PDE1A: variants seen among roughly 807,000 people sequenced by gnomAD.
PDE1A encodes phosphodiesterase 1A, also known as dual specificity calcium/calmodulin-dependent 3',5'-cyclic nucleotide phosphodiesterase 1A.
In PDE1A, 35 loss-of-function variants were observed where a neutral mutation model predicts 61.7. That is an observed-to-expected ratio of 0.57 (90% CI 0.43 to 0.75). The LOEUF is 0.75. Among genes scored for constraint, PDE1A ranks in the 30% least tolerant of loss-of-function variants. The pLI is 0.00. For missense variants in PDE1A, 597 were observed against 630.6 expected (o/e 0.95, Z 0.57); for synonymous variants, 232 against 213.2 (o/e 1.09, Z -0.77).
chr2:182,233,027 G>A (rs1487587330), intron 4 of PDE1A, among the ~76,000 whole-genome samples: 1 of 152,000 alleles, frequency 6.6e-6, no homozygotes, highest in African/African-American at 2.4e-5. Flanking sequence ...CTCTCAACCT[G>A]TTAGTTTATA....
chr2:182,577,388 T>C, the PDE1A span, among the ~76,000 whole-genome samples: 6 of 152,226 alleles, frequency 3.9e-5, no homozygotes, highest in Non-Finnish European at 7.3e-5. Flanking sequence ...TCTACAAATA[T>C]AGAGTCTGAT....
chr2:182,524,806 A>T (rs1690750642), upstream of PDE1A, among the ~76,000 whole-genome samples: 1 of 151,922 alleles, frequency 6.6e-6, no homozygotes. Flanking sequence ...GTAAAAAATG[A>T]TCCAATTTGT....
Position 182,442,284 on chromosome 2 carries a change from C to T in PDE1A, c.101+79992G>A, listed in dbSNP as rs116765975. 6.7e-4 allele frequency among the ~76,000 whole-genome samples: 102 copies of T among 151,912 alleles called. No homozygotes were observed. In the Middle Eastern group the frequency reaches 0.01, roughly 15 times the overall value. On this transcript the variant is annotated intron_variant, in intron 2 of 14. Transcript: ENST00000410103. ...TGAGGGGAAGTCTATAAATAATTGG[C>T]CTGTACTCTAAAAATGTCAAGGTCA...
chr2:182,618,748 A>G, the PDE1A span, among the ~76,000 whole-genome samples: 5 of 152,340 alleles, frequency 3.3e-5, no homozygotes, highest in Non-Finnish European at 4.4e-5. Context: ...ACAAGATTCA[A>G]CTGAAAAATT....
downstream of PDE1A, chr2:182,143,087 A>T (rs1690303798): frequency 6.6e-6 from 1 of 152,158 alleles, no homozygotes; most frequent in Non-Finnish European, 1.5e-5. Context: ...AAAGAGTGGG[A>T]AGTGGTTGGG....
intron 7 of PDE1A, among the ~76,000 whole-genome samples, chr2:182,215,559 C>T (rs1332810874): frequency 8.5e-4 from 127 of 149,354 alleles, no homozygotes; most frequent in African/African-American, 2.3e-3. Flanking sequence ...ATCTAATAGA[C>T]GCAATAAAAA....
intron 7 of PDE1A, among the ~76,000 whole-genome samples, chr2:182,218,086 G>A (rs1277248415): frequency 6.7e-6 from 1 of 149,722 alleles, no homozygotes; most frequent in Non-Finnish European, 1.5e-5. Flanking sequence ...ATACTATGCA[G>A]CCATAAAAAA....
intron 1 of PDE1A, among the ~76,000 whole-genome samples, chr2:182,353,607 C>T (rs942849057): frequency 6.6e-6 from 1 of 151,922 alleles, no homozygotes; most frequent in Non-Finnish European, 1.5e-5. Context: ...TGCACAAATA[C>T]ACATATTGAA....
At chr2:182,297,581 T>G (rs2438290) in intron 1 of PDE1A, among the ~76,000 whole-genome samples, 2,462 of 152,342 alleles carry the variant, frequency 0.016, 41 homozygotes, top group African/African-American at 0.033. Context: ...GTTTCCATTC[T>G]ACTTCACATA....
the PDE1A span, among the ~76,000 whole-genome samples, chr2:182,541,275 T>A: frequency 3.3e-5 from 5 of 152,226 alleles, no homozygotes; most frequent in Non-Finnish European, 7.3e-5. Flanking sequence ...TCACAGGAAC[T>A]GGGTTCAGGT....
the PDE1A span, among the ~76,000 whole-genome samples, chr2:182,572,137 T>C: frequency 2.0e-5 from 3 of 152,178 alleles, no homozygotes; most frequent in Admixed American, 6.5e-5. Context: ...AAATGTTCAA[T>C]ATTTGTTTGT....
chr2:182,569,114 G>A, the PDE1A span, among the ~76,000 whole-genome samples: 1 of 151,842 alleles, frequency 6.6e-6, no homozygotes, highest in South Asian at 2.1e-4. Flanking sequence ...TTAACTGTGT[G>A]TAGTGGCACA....
At chr2:182,171,078 T>C (rs1020753815) in intron 13 of PDE1A, among the ~76,000 whole-genome samples, 4 of 151,988 alleles carry the variant, frequency 2.6e-5, no homozygotes, top group Non-Finnish European at 5.9e-5. Flanking sequence ...CCTATTCCCA[T>C]TTTTTTGTTT....
At chr2:182,515,111 T>A (rs1690050436) in intron 2 of PDE1A, among the ~76,000 whole-genome samples, 1 of 152,186 alleles carries the variant, frequency 6.6e-6, no homozygotes, top group Admixed American at 6.5e-5. Flanking sequence ...CACCCTAGCA[T>A]CTTATGAGGT....
intron 7 of PDE1A, among the ~76,000 whole-genome samples, chr2:182,207,805 C>T (rs1020847127): frequency 1.3e-5 from 2 of 152,214 alleles, no homozygotes; most frequent in Non-Finnish European, 2.9e-5. Context: ...CTATGGCCTC[C>T]ACTGCTCTGT....
chr2:182,142,854 A>G (rs1690293709), downstream of PDE1A: 2 of 152,184 alleles, frequency 1.3e-5, no homozygotes, highest in South Asian at 4.1e-4. Flanking sequence ...AGCACTGGCC[A>G]AAAACTCTGA....
At chr2:182,298,743 G>A (rs1359661463) in intron 1 of PDE1A, among the ~76,000 whole-genome samples, 1 of 152,000 alleles carries the variant, frequency 6.6e-6, no homozygotes, top group African/African-American at 2.4e-5. Flanking sequence ...ATAGGAGGAA[G>A]GTGATTATTA....
the PDE1A span, among the ~76,000 whole-genome samples, chr2:182,679,111 T>C: frequency 2.0e-5 from 3 of 150,994 alleles, no homozygotes; most frequent in Admixed American, 2.0e-4. Flanking sequence ...TTCAAGTGAT[T>C]CTCATGCCTC....
chr2:182,647,706 C>T, the PDE1A span, among the ~76,000 whole-genome samples: 1 of 152,106 alleles, frequency 6.6e-6, no homozygotes, highest in South Asian at 2.1e-4. Flanking sequence ...AGATACGATG[C>T]TACAGTAAAG....
Sources: gnomAD v4.1 joint callset for allele counts (sites outside exome capture counted in the v4.1 genomes callset) on GRCh38, gnomAD v4.1.1 for gene constraint, MANE v1.5 for transcripts, NCBI Gene and HGNC (gene_info 2026-07-23, HGNC 2026-07-21) for gene names.